The following EPN2 variants were observed in gnomAD, a reference collection of about 807,000 sequenced individuals.
The protein encoded by EPN2 is epsin 2.
In EPN2, 34 loss-of-function variants were observed where a neutral mutation model predicts 61.7. The ratio of observed to expected loss-of-function variants is 0.55; its 90% CI spans 0.42 to 0.73. EPN2 has a LOEUF of 0.73. Among genes scored for constraint, EPN2 ranks in the 30% least tolerant of loss-of-function variants. The pLI is 0.00. For missense variants in EPN2, 714 were observed against 839.2 expected, an observed-to-expected ratio of 0.85 and a Z score of 1.84; for synonymous variants, 349 against 353.6, an observed-to-expected ratio of 0.99 and a Z score of 0.15.
chr17:19,283,178 C>T lies in EPN2; in HGVS notation c.59C>T (p.Ala20Val), dbSNP rs977370850. The T allele has an allele frequency of 1.2e-6, 2 of 1,613,860 alleles. No homozygotes were observed. The highest frequency in any genetic ancestry group is 1.7e-6 in the Non-Finnish European group (2 of 1,179,968). ...MKNIVNNYSE[A>V]EIKVREATSN... ...AACATCGTGAACAATTACTCAGAGG[C>T]AGAAATCAAAGTCCGGGAAGCCACC... is the stretch of plus-strand genomic sequence containing the variant. Residue 20 changes from alanine (A) to valine (V), a missense_variant, in exon 3 of 11, where the codon GCA becomes GTA. By Grantham distance (64) the Ala-to-Val change is moderately conservative. This residue lies in a region of EPN2 where 304 missense variants were observed against 417.4 expected (regional missense o/e 0.73). Transcript: ENST00000314728. The surrounding 1 kb of genome is among the most constrained non-coding windows in gnomAD (Gnocchi z 7.0).
intron 7 of EPN2, among the ~76,000 whole-genome samples, chr17:19,327,818 C>T (rs1325547944): frequency 1.3e-5 from 2 of 152,122 alleles, no homozygotes; most frequent in Admixed American, 6.5e-5. Flanking sequence ...GGCTAATAAA[C>T]AGTTCATAAT....
chr17:19,277,934 G>A (rs1261927454), intron 1 of EPN2, among the ~76,000 whole-genome samples: 5 of 152,024 alleles, frequency 3.3e-5, no homozygotes, highest in African/African-American at 7.3e-5. Flanking sequence ...TTAGCTGGGC[G>A]TGGTGGTGGG....
chr17:19,248,444 T>G (rs1038958605), intron 1 of EPN2: 3 of 152,190 alleles, frequency 2.0e-5, no homozygotes, highest in Admixed American at 6.5e-5. Context: ...CCCTAAATTG[T>G]AATGACTGCA....
chr17:19,310,055 G>A, intron 5 of EPN2, 58 bp downstream of exon 5: 1 of 1,241,630 alleles, frequency 8.1e-7, no homozygotes. Context: ...GGTGGAGTGT[G>A]GCTCACTGGG....
At chr17:19,274,581 C>T (rs895770474) in intron 1 of EPN2, among the ~76,000 whole-genome samples, 1 of 152,124 alleles carries the variant, frequency 6.6e-6, no homozygotes, top group African/African-American at 2.4e-5. Flanking sequence ...GATGGCTGCT[C>T]CCCATAGTTT....
intron 4 of EPN2, among the ~76,000 whole-genome samples, chr17:19,287,232 C>T (rs980965830): frequency 6.6e-6 from 1 of 152,042 alleles, no homozygotes; most frequent in African/African-American, 2.4e-5. Flanking sequence ...GATATCGCTC[C>T]CACCACCTGC....
intron 1 of EPN2, among the ~76,000 whole-genome samples, chr17:19,268,226 T>G (rs1376148576): frequency 2.6e-5 from 4 of 152,236 alleles, no homozygotes; most frequent in Non-Finnish European, 5.9e-5. Context: ...TTGCAGTGTT[T>G]TGTTGCTCCC....
rs1453979321 is a variant in EPN2, at chr17:19,283,106, C to G, written c.-14C>G. ...TGTTTGAAGGGCTTTAAACTTATAA[C>G]AAAGAAAATAAAAATGACGACTTCG... is the stretch of plus-strand genomic sequence containing the variant. On this transcript the variant is annotated 5_prime_UTR_variant, in exon 3 of 11. Coordinates refer to ENST00000314728, the MANE Select transcript of EPN2 (RefSeq NM_014964.5). The surrounding 1 kb of genome is among the most constrained non-coding windows in gnomAD (Gnocchi z 7.0). The G allele has an allele frequency of 1.3e-6, 2 of 1,594,714 alleles. No homozygotes were observed. Among genetic ancestry groups the G allele is most frequent in the Non-Finnish European group, 1.7e-6 (2 of 1,167,662 alleles).
chr17:19,251,288 G>C (rs2045012280), intron 1 of EPN2, among the ~76,000 whole-genome samples: 1 of 152,168 alleles, frequency 6.6e-6, no homozygotes, highest in Non-Finnish European at 1.5e-5. Flanking sequence ...CAATCACAGT[G>C]TCAGCTTCTT....
intron 4 of EPN2, among the ~76,000 whole-genome samples, chr17:19,292,086 G>GT (rs2045471053): frequency 6.6e-6 from 1 of 152,114 alleles, no homozygotes; most frequent in South Asian, 2.1e-4. Flanking sequence ...AAAATATATT[G>GT]TTAAAAAAAA....
chr17:19,327,536 G>C (rs113721700), intron 7 of EPN2, among the ~76,000 whole-genome samples: 2 of 152,112 alleles, frequency 1.3e-5, no homozygotes, highest in Non-Finnish European at 2.9e-5. Flanking sequence ...TTAGCCGGGC[G>C]TGGTGACATT....
chr17:19,296,232 C>T (rs1177801509), intron 4 of EPN2, among the ~76,000 whole-genome samples: 1 of 152,036 alleles, frequency 6.6e-6, no homozygotes, highest in African/African-American at 2.4e-5. Flanking sequence ...CTCACTACAA[C>T]CTCTGCCTCC....
rs1301477974 is a variant in EPN2 at position 19,335,481 on chromosome 17, G to A, written c.*1227G>A. 1.3e-6 allele frequency: 2 copies of A among 1,548,946 alleles called. No individual in the cohort carries two copies. The highest frequency in any genetic ancestry group is 1.7e-6 in the Non-Finnish European group (2 of 1,146,100). On this transcript the variant is annotated 3_prime_UTR_variant, in exon 11 of 11. Transcript: ENST00000314728. ...GAAACATCTTTAACCTTGTGTGTCT[G>A]TGATCTCCTCTGTCTTAATCCACGC...
At chr17:19,247,636 C>A (rs1490885551) in intron 1 of EPN2, among the ~76,000 whole-genome samples, 1 of 152,152 alleles carries the variant, frequency 6.6e-6, no homozygotes, top group African/African-American at 2.4e-5. Flanking sequence ...CAGTGAGCTC[C>A]CAGGTGGCCA....
chr17:19,282,256 G>C (rs537202327), intron 2 of EPN2, 179 bp downstream of exon 2: 1 of 152,332 alleles, frequency 6.6e-6, no homozygotes, highest in Admixed American at 6.5e-5. Flanking sequence ...AAGCCAAGTG[G>C]AGGTCTTTAT....
chr17:19,249,644 AGTGGTCCTTAG>A (rs1186323523), intron 1 of EPN2: 1 of 152,294 alleles, frequency 6.6e-6, no homozygotes, highest in Non-Finnish European at 1.5e-5. Context: ...GGACTAGAAA[AGTGGTCCTTAG>A]GTGGATTGAG....
intron 1 of EPN2, among the ~76,000 whole-genome samples, chr17:19,280,451 C>T (rs978315706): frequency 7.2e-5 from 11 of 152,192 alleles, no homozygotes; most frequent in Admixed American, 7.2e-4. Context: ...GGTCACCGTG[C>T]AAAAGTTTTT....
At chr17:19,265,782 C>T (rs1414395889) in intron 1 of EPN2, among the ~76,000 whole-genome samples, 1 of 152,220 alleles carries the variant, frequency 6.6e-6, no homozygotes, top group African/African-American at 2.4e-5. Flanking sequence ...GTCCTGCCAG[C>T]ACCTCCAGCC....
intron 1 of EPN2, among the ~76,000 whole-genome samples, chr17:19,241,411 C>A: frequency 6.6e-6 from 1 of 151,936 alleles, no homozygotes; most frequent in Admixed American, 6.6e-5. Context: ...CATGGTGAAA[C>A]CCCATCTCTA....
Sources: allele counts gnomAD v4.1 joint callset (sites outside exome capture counted in the v4.1 genomes callset), GRCh38; gene constraint gnomAD v4.1.1; regional missense constraint gnomAD v4.1.1; non-coding constraint Gnocchi (gnomAD v3.1); transcripts MANE v1.5; gene names NCBI Gene and HGNC (gene_info 2026-07-23, HGNC 2026-07-21).